The following SLC26A5 variants were observed in gnomAD, a reference collection of about 807,000 sequenced individuals.
The protein encoded by SLC26A5 is solute carrier family 26 member 5.
Under a neutral mutation model 81.0 loss-of-function variants are expected in SLC26A5, and 51 were observed. The observed-to-expected ratio is 0.63, with a 90% CI of 0.50 to 0.80. The LOEUF is 0.80. Ranked by LOEUF, SLC26A5 falls within the 30% of genes least tolerant of loss-of-function variation. The pLI is 0.00. For synonymous variants in SLC26A5, 325 were observed against 332.8 expected (o/e 0.98, Z 0.25); for missense variants, 771 against 905.8 (o/e 0.85, Z 1.91).
At chr7:103,355,432 T>A (rs1819976344) in intron 19 of SLC26A5, among the ~76,000 whole-genome samples, 1 of 152,086 alleles carries the variant, frequency 6.6e-6, no homozygotes, top group African/African-American at 2.4e-5. Flanking sequence ...CTGGGGTGAT[T>A]TTGCCCCACC....
At chr7:103,426,529 T>C (rs566130023) in intron 2 of SLC26A5, among the ~76,000 whole-genome samples, 1 of 152,330 alleles carries the variant, frequency 6.6e-6, no homozygotes, top group Non-Finnish European at 1.5e-5. Flanking sequence ...CTTAACTCTC[T>C]GTAGGTTAGG....
At chr7:103,379,115 T>C in intron 16 of SLC26A5, 128 bp downstream of exon 16, 1 of 716,490 alleles carries the variant, frequency 1.4e-6, no homozygotes, top group Non-Finnish European at 2.5e-6. Flanking sequence ...ATGTATATTT[T>C]ACTACAATAA....
intron 4 of SLC26A5, 100 bp downstream of exon 4, chr7:103,420,638 T>C (rs1461034082): frequency 1.4e-6 from 2 of 1,448,882 alleles, no homozygotes; most frequent in Non-Finnish European, 1.9e-6. Flanking sequence ...ACTAGAAAGA[T>C]ATGATAAAAA....
At chr7:103,403,367 C>T (rs1409071283) in intron 8 of SLC26A5, among the ~76,000 whole-genome samples, 1 of 152,124 alleles carries the variant, frequency 6.6e-6, no homozygotes, top group Non-Finnish European at 1.5e-5. Context: ...GTGAAGAGTT[C>T]TGTAGATGTC....
chr7:103,359,304 T>C (rs1820239061), intron 19 of SLC26A5, among the ~76,000 whole-genome samples: 1 of 151,952 alleles, frequency 6.6e-6, no homozygotes, highest in Non-Finnish European at 1.5e-5. Context: ...AGCCAGCTTA[T>C]GAATTTTTTT....
intron 8 of SLC26A5, among the ~76,000 whole-genome samples, chr7:103,405,205 C>T (rs1823943395): frequency 6.6e-6 from 1 of 152,138 alleles, no homozygotes; most frequent in Admixed American, 6.5e-5. Context: ...AACTCATTCT[C>T]CATCCACTTT....
At chr7:103,411,335 T>G (rs1824468169) in intron 6 of SLC26A5, 85 bp downstream of exon 6, 1 of 1,526,752 alleles carries the variant, frequency 6.5e-7, no homozygotes, top group Non-Finnish European at 9.0e-7. Context: ...CCATCCACCG[T>G]GTAGTAAGAC....
At chr7:103,426,437 T>C (rs1309521304) in intron 2 of SLC26A5, among the ~76,000 whole-genome samples, 1 of 152,208 alleles carries the variant, frequency 6.6e-6, no homozygotes, top group East Asian at 1.9e-4. Flanking sequence ...AAATATTGCA[T>C]GGGATATAAT....
chr7:103,412,937 T>C (rs552625980), intron 5 of SLC26A5, 65 bp downstream of exon 5: 1 of 1,155,004 alleles, frequency 8.7e-7, no homozygotes, highest in Admixed American at 1.7e-5. Flanking sequence ...TGCTATTTCT[T>C]TGGCACATTG....
At chr7:103,362,802 T>A in intron 19 of SLC26A5, 1 of 1,443,906 alleles carries the variant, frequency 6.9e-7, no homozygotes, top group Non-Finnish European at 9.6e-7. Context: ...GTCTTTTTTT[T>A]TTTTTTTTTT....
chr7:103,442,867 T>G (rs1442174438), intron 2 of SLC26A5, among the ~76,000 whole-genome samples: 1 of 152,246 alleles, frequency 6.6e-6, no homozygotes, highest in Non-Finnish European at 1.5e-5. Context: ...TCAAAGCTGG[T>G]TGATAGCTAA....
In SLC26A5 at chr7:103,367,361, G is replaced by A. The variant is rs1820770200; in HGVS notation, c.2041+9447C>T. The A allele has an allele frequency of 5.7e-6, 9 of 1,576,456 alleles. No individual in the cohort carries two copies. In the Admixed American group the frequency reaches 1.5e-4, roughly 26 times the overall value. On this transcript the variant is annotated intron_variant, in intron 19 of 19. Transcript: ENST00000339444. The surrounding 1 kb of genome is among the most constrained non-coding windows in gnomAD (Gnocchi z 6.1). The stretch of plus-strand genomic sequence containing the variant: ...TTTTGGTACTTTCAGGTCATGCATA[G>A]TGCTACTCTTGAGTGGACTTGAAGA...
intron 19 of SLC26A5, chr7:103,362,861 T>G (rs1420445989): frequency 2.3e-6 from 2 of 888,180 alleles, no homozygotes; most frequent in South Asian, 1.6e-5. Flanking sequence ...TGGTGTGATC[T>G]TGGCTCACTG....
chr7:103,428,903 T>C (rs1825881394), intron 2 of SLC26A5, among the ~76,000 whole-genome samples: 1 of 152,216 alleles, frequency 6.6e-6, no homozygotes, highest in Non-Finnish European at 1.5e-5. Flanking sequence ...CAGTGGGTGG[T>C]TAACTGCAGG....
chr7:103,374,445 T>G lies in SLC26A5; in HGVS notation c.2189A>C (p.Gln730Pro). ...AGTGGCATTGGGCTCCAAGTCCTCCTGGGAAGGGGGAGCCGAGGCTTCCTG... is the reference window on the plus strand; with the variant it reads ...AGTGGCATTGGGCTCCAAGTCCTCCGGGGAAGGGGGAGCCGAGGCTTCCTG... ...AEQEASAPPS[Q>P]EDLEPNATPA... Residue 730 changes from glutamine (Q) to proline (P), a missense_variant, in exon 20 of 20, where the codon CAG becomes CCG. Physicochemically the swap from Gln to Pro is moderately conservative, Grantham distance 76. Coordinates refer to ENST00000306312, the MANE Select transcript of SLC26A5 (RefSeq NM_198999.3). The G allele has an allele frequency of 6.2e-7, 1 of 1,612,942 alleles. No individual in the cohort carries two copies. Among genetic ancestry groups the G allele is most frequent in the Non-Finnish European group, 8.5e-7 (1 of 1,180,016 alleles).
chr7:103,421,502 C>G lies in SLC26A5; in HGVS notation c.13G>C (p.Glu5Gln), dbSNP rs750489794. Residue 5 changes from glutamate (E) to glutamine (Q), a missense_variant, in exon 3 of 20, where the codon GAA becomes CAA. Glu to Gln is a conservative substitution (Grantham distance 29). Transcript: ENST00000306312. MDHA[E>Q]ENEILAATQR... is the part of the protein sequence containing the mutation. ...GTTGCTGCAAGGATTTCATTTTCTTCAGCATGATCCATAGTACTCTGAAAT... is the reference window on the plus strand; with the variant it reads ...GTTGCTGCAAGGATTTCATTTTCTTGAGCATGATCCATAGTACTCTGAAAT... The G allele has an allele frequency of 4.3e-6, 7 of 1,613,906 alleles. No homozygotes were observed. Among genetic ancestry groups the G allele is most frequent in the Non-Finnish European group, 5.9e-6 (7 of 1,179,938 alleles).
intron 2 of SLC26A5, among the ~76,000 whole-genome samples, chr7:103,432,511 T>TA (rs1280059128): frequency 3.9e-5 from 6 of 152,224 alleles, no homozygotes; most frequent in African/African-American, 7.2e-5. Flanking sequence ...ATTAATTTTT[T>TA]AAAAATATTT....
At chr7:103,359,215 C>G (rs184295306) in intron 19 of SLC26A5, among the ~76,000 whole-genome samples, 14 of 130,696 alleles carry the variant, frequency 1.1e-4, no homozygotes, top group African/African-American at 3.7e-4. Context: ...CTGGGCTGCT[C>G]TTGAACTCCT....
At chr7:103,391,224 G>A (rs559924171) in intron 11 of SLC26A5, among the ~76,000 whole-genome samples, 5 of 152,306 alleles carry the variant, frequency 3.3e-5, no homozygotes, top group South Asian at 2.1e-4. Flanking sequence ...CATTTCAAGT[G>A]CTCAAGAGCC....
Sources: allele counts gnomAD v4.1 joint callset (sites outside exome capture counted in the v4.1 genomes callset), GRCh38; gene constraint gnomAD v4.1.1; non-coding constraint Gnocchi (gnomAD v3.1); transcripts MANE v1.5; gene names NCBI Gene and HGNC (gene_info 2026-07-23, HGNC 2026-07-21).